The following ZDHHC8 variants were observed in gnomAD, a reference collection of about 807,000 sequenced individuals.
ZDHHC8 encodes palmitoyltransferase ZDHHC8.
In ZDHHC8, 24 loss-of-function variants were observed where a neutral mutation model predicts 61.2. That is an observed-to-expected ratio of 0.39 (90% CI 0.28 to 0.55). The LOEUF is 0.55. ZDHHC8 is among the 20% of genes least tolerant of loss of function. The pLI, the probability that ZDHHC8 is intolerant of heterozygous loss-of-function variation, is 0.60. For missense variants in ZDHHC8, 935 were observed against 1,102.1 expected (o/e 0.85, Z 2.15); for synonymous variants, 523 against 492.5 (o/e 1.06, Z -0.82).
Position 20,143,137 on chromosome 22 carries a change from G to A in ZDHHC8, c.1507G>A (p.Gly503Arg), listed in dbSNP as rs141277397. The A allele has an allele frequency of 1.3e-4, 216 of 1,611,898 alleles. No individual in the cohort carries two copies. The highest frequency in any genetic ancestry group is 3.3e-4 in the African/African-American group (25 of 75,034). Residue 503 changes from glycine to arginine, a missense_variant, in exon 10 of 11, where the codon GGA becomes AGA. Physicochemically the swap from Gly to Arg is moderately radical, Grantham distance 125. This residue lies in a region of ZDHHC8 where 692 missense variants were observed against 731.4 expected (regional missense o/e 0.95). Transcript: ENST00000334554. ...CPAHPAVGVA[G>R]YHSPYLHPGA... Reference sequence around the variant, plus strand: ...TGCCCACCCAGCAGTTGGCGTGGCCGGATACCACTCACCCTACCTGCATCC... The same window carrying A: ...TGCCCACCCAGCAGTTGGCGTGGCCAGATACCACTCACCCTACCTGCATCC...
In ZDHHC8 at chr22:20,143,671, C is replaced by A; in HGVS notation, c.2041C>A (p.His681Asn). ...CCTGCCCTCCCCGCCCGGCACTCCC[C>A]ACTCACCATCCTACGCGGGCCCCAA... is the stretch of plus-strand genomic sequence containing the variant. ...QGLPSPPGTPHSPSYAGPKAV... is the reference protein window; with the variant it reads ...QGLPSPPGTPNSPSYAGPKAV... Residue 681 changes from histidine to asparagine, a missense_variant, in exon 10 of 11, where the codon CAC (histidine) becomes AAC (asparagine). By Grantham distance (68) the His-to-Asn change is moderately conservative (BLOSUM62 1). This residue lies in a region of ZDHHC8 where 692 missense variants were observed against 731.4 expected (regional missense o/e 0.95). Coordinates refer to ENST00000334554, the MANE Select transcript of ZDHHC8 (RefSeq NM_013373.4). 1 of 1,609,708 alleles carries A rather than the reference C, an allele frequency of 6.2e-7. No individual in the cohort carries two copies. Among genetic ancestry groups the A allele is most frequent in the South Asian group, 1.1e-5 (1 of 90,786 alleles).
chr22:20,139,761 G>A lies in ZDHHC8; in HGVS notation c.426G>A (p.Gly142=), dbSNP rs1405637071. 7 of 1,612,912 alleles carry A rather than the reference G, an allele frequency of 4.3e-6. No individual in the cohort carries two copies. The highest frequency in any genetic ancestry group is 5.9e-6 in the Non-Finnish European group (7 of 1,180,026). Residue 142 remains glycine (G), a synonymous_variant, in exon 4 of 11, where the codon GGG becomes GGA. Transcript: ENST00000334554. ...HHCPWVNNCI[G]RRNYRYFFLF... ...GCCCCTGGGTCAACAACTGCATCGG[G>A]CGTCGAAACTATCGCTACTTCTTCC...
In ZDHHC8 at chr22:20,139,596, G is replaced by T. The variant is rs776958622; in HGVS notation, c.345G>T (p.Pro115=). The T allele has an allele frequency of 1.2e-6, 2 of 1,613,170 alleles. No individual in the cohort carries two copies. The highest frequency in any genetic ancestry group is 8.5e-7 in the Non-Finnish European group (1 of 1,180,008). The change falls in exon 3 of 11, where the codon CCG becomes CCT. Residue 115 remains proline, a synonymous_variant. Transcript: ENST00000334554. ...CCACGTGCCACTTCTACCGCCCGCC[G>T]CGCTGCTCCCACTGCAGCGTCTGTG... is the stretch of plus-strand genomic sequence containing the variant. ...WCATCHFYRP[P]RCSHCSVCDN... is the part of the protein sequence containing the mutation.
In ZDHHC8 at chr22:20,147,124, C is replaced by T; in HGVS notation, c.*1724C>T. ...CCTTGGCCGCCCGGAGGACCGCCCA[C>T]CACTGCGGGCCCCCTGGAGCCAGGC... On this transcript the variant is annotated 3_prime_UTR_variant, in exon 11 of 11. Transcript: ENST00000334554. 2 of 1,534,310 alleles carry T rather than the reference C, an allele frequency of 1.3e-6. No individual in the cohort carries two copies. The highest frequency in any genetic ancestry group is 1.8e-6 in the Non-Finnish European group (2 of 1,141,036).
chr22:20,139,332 CG>C lies in ZDHHC8; in HGVS notation c.226+19del, dbSNP rs2050446797. 1.2e-6 allele frequency: 2 copies of C among 1,611,156 alleles called. No homozygotes were observed. The highest frequency in any genetic ancestry group is 1.7e-6 in the Non-Finnish European group (2 of 1,178,720). Reference sequence around the variant, plus strand: ...TCCCCCGAGGTAGGGCCCTGTGCTGCGGCAGCTCCTCTCACTTTCACTAGAG... The same window carrying C: ...TCCCCCGAGGTAGGGCCCTGTGCTGCGCAGCTCCTCTCACTTTCACTAGAG... On this transcript the variant is annotated intron_variant, in intron 2 of 10. Transcript: ENST00000334554.
chr22:20,136,421 C>T (rs1204752557), intron 1 of ZDHHC8, among the ~76,000 whole-genome samples: 1 of 152,234 alleles, frequency 6.6e-6, no homozygotes, highest in Non-Finnish European at 1.5e-5. Context: ...TGTGTGTCCT[C>T]CCGTGTTCTT....
chr22:20,138,935 C>T (rs752591029), intron 1 of ZDHHC8, among the ~76,000 whole-genome samples: 3 of 152,190 alleles, frequency 2.0e-5, no homozygotes, highest in Non-Finnish European at 4.4e-5. Context: ...GTCTGTGGGC[C>T]TCTCTGAGAC....
At position 20,140,676 on chromosome 22, in the gene ZDHHC8, G is replaced by A. The variant is rs1462945185; in HGVS notation, c.720G>A (p.Val240=). ...NPFTRGCCGN[V]EHVLCSPLAP... Reference sequence around the variant, plus strand: ...TCACCCGAGGCTGCTGTGGGAATGTGGAGCACGTGCTGTGTAGCCCCCTGG... The same window carrying A: ...TCACCCGAGGCTGCTGTGGGAATGTAGAGCACGTGCTGTGTAGCCCCCTGG... The change falls in exon 6 of 11, where the codon GTG becomes GTA. Residue 240 remains valine (V), a synonymous_variant. Transcript: ENST00000334554. 6.2e-7 allele frequency: 1 copy of A among 1,612,004 alleles called. No individual in the cohort carries two copies. The highest frequency in any genetic ancestry group is 1.3e-5 in the African/African-American group (1 of 75,070).
At chr22:20,133,062 T>TG (rs1313318718) in intron 1 of ZDHHC8, among the ~76,000 whole-genome samples, 3 of 152,026 alleles carry the variant, frequency 2.0e-5, no homozygotes. Flanking sequence ...TGCAAGAGTT[T>TG]GGGGGGCCCC....
Position 20,143,091 on chromosome 22 carries a change from G to A in ZDHHC8, c.1461G>A (p.Ser487=), listed in dbSNP as rs563476063. 5.1e-4 allele frequency: 823 copies of A among 1,612,266 alleles called. 11 individuals are homozygous for A. In the South Asian group the frequency reaches 8.4e-3, roughly 16 times the overall value. Reference sequence around the variant, plus strand: ...ATGACAGCCTGCTCAATCCTGGCTCGCCTGGTGGCCACGCCTGCCCTGCCC... The same window carrying A: ...ATGACAGCCTGCTCAATCCTGGCTCACCTGGTGGCCACGCCTGCCCTGCCC... ...LSYDSLLNPG[S]PGGHACPAHP... is the part of the protein sequence containing the mutation. The change falls in exon 10 of 11, where the codon TCG becomes TCA. Residue 487 remains serine (S), a synonymous_variant. Transcript: ENST00000334554.
At chr22:20,140,463 T>C in intron 5 of ZDHHC8, 154 bp from the exon 6 acceptor site, 2 of 872,208 alleles carry the variant, frequency 2.3e-6, no homozygotes, top group Non-Finnish European at 3.4e-6. Context: ...TCAGGCTGGG[T>C]AACCTATGTG....
chr22:20,133,043 C>T (rs964922957), intron 1 of ZDHHC8, among the ~76,000 whole-genome samples: 4 of 152,332 alleles, frequency 2.6e-5, no homozygotes, highest in African/African-American at 4.8e-5. Context: ...GCCTGGCGCT[C>T]GTCACCTTTG....
intron 10 of ZDHHC8, among the ~76,000 whole-genome samples, chr22:20,144,000 C>T (rs193115066): frequency 4.6e-5 from 7 of 152,292 alleles, no homozygotes; most frequent in Admixed American, 2.0e-4. Context: ...CTGAGCCCGA[C>T]GACTCGTTCT....
rs1445161107 is a variant in ZDHHC8 at position 20,142,855 on chromosome 22, G to T, written c.1225G>T (p.Gly409Cys). Residue 409 changes from glycine to cysteine, a missense_variant, in exon 10 of 11, where the codon GGC becomes TGC. By Grantham distance (159) the Gly-to-Cys change is radical. Transcript: ENST00000334554. ...GGACCTCCCTGACTATGGGCCAGGG[G>T]GCCTGCATGCAGCCTACCCGCCATC... ...SLDLPDYGPGGLHAAYPPSPP... is the reference protein window; with the variant it reads ...SLDLPDYGPGCLHAAYPPSPP... 9.3e-6 allele frequency: 15 copies of T among 1,612,492 alleles called. No homozygotes were observed. The highest frequency in any genetic ancestry group is 1.3e-5 in the Non-Finnish European group (15 of 1,179,864).
chr22:20,147,135 C>T lies in ZDHHC8; in HGVS notation c.*1735C>T. The T allele has an allele frequency of 6.5e-7, 1 of 1,533,960 alleles. No homozygotes were observed. The highest frequency in any genetic ancestry group is 1.2e-5 in the South Asian group (1 of 82,702). On this transcript the variant is annotated 3_prime_UTR_variant, in exon 11 of 11. Coordinates refer to ENST00000334554, the MANE Select transcript of ZDHHC8 (RefSeq NM_013373.4). ...CGGAGGACCGCCCACCACTGCGGGC[C>T]CCCTGGAGCCAGGCCGCCGGGGCAC...
intron 5 of ZDHHC8, 92 bp downstream of exon 5, chr22:20,140,309 A>T (rs2050457085): frequency 1.5e-6 from 2 of 1,303,456 alleles, no homozygotes; most frequent in African/African-American, 2.9e-5. Context: ...CCCTTGCCTG[A>T]GGTAGCTTGT....
chr22:20,142,726 G>A (rs761255338), intron 9 of ZDHHC8, 30 bp from the exon 10 acceptor site: 2 of 1,610,358 alleles, frequency 1.2e-6, no homozygotes, highest in Non-Finnish European at 1.7e-6. Context: ...GTGGCAGGTG[G>A]GCAGTGGTGA....
rs561921130 is a variant in ZDHHC8, at chr22:20,147,538, C to T, written c.*2138C>T. 3.4e-5 allele frequency: 6 copies of T among 177,928 alleles called. 1 individual carries two copies. In the East Asian group the frequency reaches 9.1e-4, roughly 27 times the overall value. 11.0% of individuals were successfully genotyped at this position (177,928 alleles called of 1,614,324 possible). A position where few individuals can be genotyped will look rare whatever the true frequency, so the allele number is the denominator to read the frequency against. ...GCACTTTAGACTAAGCCACTTCCTC[C>T]TCGGGGAGCCCAGGCCTCCGTGGGT... On this transcript the variant is annotated 3_prime_UTR_variant, in exon 11 of 11. Coordinates refer to ENST00000334554, the MANE Select transcript of ZDHHC8 (RefSeq NM_013373.4).
chr22:20,140,280 C>T (rs2050456737), intron 5 of ZDHHC8, 63 bp downstream of exon 5: 22 of 1,508,496 alleles, frequency 1.5e-5, no homozygotes, highest in Non-Finnish European at 1.8e-5. Flanking sequence ...TGCATGGGGA[C>T]AGGGTGGGGG....
Sources: gnomAD v4.1 joint callset for allele counts (sites outside exome capture counted in the v4.1 genomes callset) on GRCh38, gnomAD v4.1.1 for gene constraint, gnomAD v4.1.1 regional missense constraint, MANE v1.5 for transcripts, NCBI Gene and HGNC (gene_info 2026-07-23, HGNC 2026-07-21) for gene names.